The following FBXL4 variants were observed in gnomAD, a reference collection of about 807,000 sequenced individuals.
FBXL4 encodes F-box and leucine rich repeat protein 4, also known as F-box/LRR-repeat protein 4.
Under a neutral mutation model 58.9 loss-of-function variants are expected in FBXL4, and 40 were observed. The observed-to-expected ratio is 0.68, with a 90% CI of 0.53 to 0.88. The LOEUF (loss-of-function observed/expected upper bound fraction) is 0.88. Among genes scored for constraint, FBXL4 ranks in the 40% least tolerant of loss-of-function variants. FBXL4 has a pLI of 0.00. For synonymous variants in FBXL4, 263 were observed against 265.5 expected (o/e 0.99, Z 0.09); for missense variants, 676 against 734.4 (o/e 0.92, Z 0.92).
At chr6:98,892,943 A>C (rs1338157116) in intron 7 of FBXL4, among the ~76,000 whole-genome samples, 1 of 152,168 alleles carries the variant, frequency 6.6e-6, no homozygotes, top group Non-Finnish European at 1.5e-5. Flanking sequence ...ATCATTCTTG[A>C]AGTGAGGCAA....
At chr6:98,908,945 AAT>A (rs1259409122) in intron 5 of FBXL4, among the ~76,000 whole-genome samples, 3 of 152,194 alleles carry the variant, frequency 2.0e-5, no homozygotes, top group African/African-American at 7.2e-5. Context: ...AATCAGGACT[AAT>A]ACTCCTCTAT....
At chr6:98,875,235 T>C (rs1273104102) in intron 9 of FBXL4, 180 bp downstream of exon 9, 3 of 633,278 alleles carry the variant, frequency 4.7e-6, no homozygotes, top group Admixed American at 5.6e-5. Context: ...TTAAAGTACA[T>C]ATATAATTAT....
At chr6:98,899,984 G>C (rs1466757455) in intron 6 of FBXL4, among the ~76,000 whole-genome samples, 1 of 152,166 alleles carries the variant, frequency 6.6e-6, no homozygotes, top group Non-Finnish European at 1.5e-5. Flanking sequence ...AAATGTCTAT[G>C]TGGGTTTAAC....
rs577401865 is a variant in FBXL4, at chr6:98,929,401, G to A, written c.-190-1579C>T. On this transcript the variant is annotated intron_variant, in intron 2 of 9. Coordinates refer to ENST00000369244, the MANE Select transcript of FBXL4 (RefSeq NM_001278716.2). ...AGCTTGACCAACACAGAGAAACCCC[G>A]TCTCTACTAAAAATATAAAATTAGC... Among the ~76,000 whole-genome samples the A allele has an allele frequency of 1.2e-4, 18 of 151,766 alleles. No individual in the cohort carries two copies. In the East Asian group the frequency reaches 2.9e-3, roughly 25 times the overall value.
intron 5 of FBXL4, among the ~76,000 whole-genome samples, chr6:98,911,118 G>A (rs1414191907): frequency 1.3e-5 from 2 of 152,206 alleles, no homozygotes; most frequent in Non-Finnish European, 2.9e-5. Context: ...TGGCAGCCTG[G>A]ATGGGGGAGG....
At chr6:98,915,880 G>C (rs1354306475) in intron 5 of FBXL4, among the ~76,000 whole-genome samples, 1 of 151,332 alleles carries the variant, frequency 6.6e-6, no homozygotes, top group African/African-American at 2.4e-5. Context: ...AGAGTGAACA[G>C]GCAACCTACA....
chr6:98,918,392 T>C (rs1174919736), intron 4 of FBXL4, among the ~76,000 whole-genome samples: 1 of 152,184 alleles, frequency 6.6e-6, no homozygotes, highest in African/African-American at 2.4e-5. Context: ...TTAATCATTA[T>C]TTTCCATGCA....
At chr6:98,945,186 G>C (rs1476211066) in intron 1 of FBXL4, among the ~76,000 whole-genome samples, 2 of 152,102 alleles carry the variant, frequency 1.3e-5, no homozygotes, top group Admixed American at 1.3e-4. Flanking sequence ...ATGCAAACAT[G>C]ACAGTATACA....
chr6:98,942,530 G>A (rs912252914), intron 1 of FBXL4, among the ~76,000 whole-genome samples: 5 of 151,912 alleles, frequency 3.3e-5, no homozygotes, highest in Non-Finnish European at 7.4e-5. Context: ...AGCATATAGC[G>A]CATCCCCCAC....
chr6:98,897,133 T>C, intron 7 of FBXL4: 1 of 982,752 alleles, frequency 1.0e-6, no homozygotes, highest in South Asian at 4.7e-5. Context: ...GCCTGCTATA[T>C]TTCTTATTAA....
intron 7 of FBXL4, chr6:98,897,380 C>T (rs1771445744): frequency 1.0e-6 from 1 of 978,514 alleles, no homozygotes. Context: ...CATTCAGGGA[C>T]AATAATTATT....
chr6:98,932,425 C>A lies in FBXL4; in HGVS notation c.-191+2337G>T, dbSNP rs142590688. Among the ~76,000 whole-genome samples the A allele has an allele frequency of 6.0e-3, 917 of 152,198 alleles. 12 individuals are homozygous for A. The highest frequency in any genetic ancestry group is 0.021 in the African/African-American group (872 of 41,518). Reference sequence around the variant, plus strand: ...ATTATAATACAACTTAGGTTTAAACCACATCTTCCATATTATAAAATGCTT... The same window carrying A: ...ATTATAATACAACTTAGGTTTAAACAACATCTTCCATATTATAAAATGCTT... On this transcript the variant is annotated intron_variant, in intron 2 of 9. Transcript: ENST00000369244.
chr6:98,898,852 T>C, intron 7 of FBXL4: 1 of 985,324 alleles, frequency 1.0e-6, no homozygotes, highest in Non-Finnish European at 1.2e-6. Context: ...TGAGACTCAT[T>C]AACTATGGTA....
intron 8 of FBXL4, among the ~76,000 whole-genome samples, chr6:98,878,437 G>A (rs756063587): frequency 2.0e-5 from 3 of 151,942 alleles, no homozygotes; most frequent in Admixed American, 1.3e-4. Flanking sequence ...AAACTCCTGG[G>A]CTCAAGCAAT....
At chr6:98,904,276 A>T (rs1293793374) in intron 6 of FBXL4, among the ~76,000 whole-genome samples, 2 of 152,172 alleles carry the variant, frequency 1.3e-5, no homozygotes, top group African/African-American at 4.8e-5. Context: ...ACAGCTGCCA[A>T]ATATCTAGCA....
At chr6:98,923,244 C>A (rs766675891) in intron 4 of FBXL4, among the ~76,000 whole-genome samples, 1 of 152,098 alleles carries the variant, frequency 6.6e-6, no homozygotes, top group African/African-American at 2.4e-5. Flanking sequence ...ATCATGCTTT[C>A]CCTACTCCTT....
intron 2 of FBXL4, among the ~76,000 whole-genome samples, chr6:98,930,370 G>A (rs540475669): frequency 1.9e-4 from 29 of 152,156 alleles, no homozygotes; most frequent in African/African-American, 4.8e-4. Context: ...GCAGTGAGCC[G>A]AGATTGCACC....
At chr6:98,909,549 G>C (rs564686241) in intron 5 of FBXL4, among the ~76,000 whole-genome samples, 24 of 152,232 alleles carry the variant, frequency 1.6e-4, no homozygotes, top group African/African-American at 5.5e-4. Flanking sequence ...ATCAGGTCTG[G>C]ATAAAATTCA....
At chr6:98,942,782 A>G (rs1582464199) in intron 1 of FBXL4, among the ~76,000 whole-genome samples, 1 of 152,142 alleles carries the variant, frequency 6.6e-6, no homozygotes, top group East Asian at 1.9e-4. Context: ...AAATCAATAA[A>G]ACCAAGAATG....
Sources: allele counts gnomAD v4.1 joint callset (sites outside exome capture counted in the v4.1 genomes callset), GRCh38; gene constraint gnomAD v4.1.1; transcripts MANE v1.5; gene names NCBI Gene and HGNC (gene_info 2026-07-23, HGNC 2026-07-21).